The following HCFC2 variants were observed in gnomAD, a reference collection of about 807,000 sequenced individuals.
The protein encoded by HCFC2 is host cell factor C2.
Under a neutral mutation model 89.2 loss-of-function variants are expected in HCFC2, and 18 were observed. The ratio of observed to expected loss-of-function variants is 0.20; its 90% CI spans 0.14 to 0.30. The LOEUF is 0.30. Among genes scored for constraint, HCFC2 ranks in the 10% least tolerant of loss-of-function variants. The pLI is 1.00. For missense variants in HCFC2, 578 were observed against 956.1 expected, an observed-to-expected ratio of 0.60 and a Z score of 5.21; for synonymous variants, 308 against 335.7, an observed-to-expected ratio of 0.92 and a Z score of 0.90.
chr12:104,066,276 T>G lies in HCFC2; in HGVS notation c.273T>G (p.Val91=), dbSNP rs139399421. Residue 91 remains valine (V), a synonymous_variant, in exon 2 of 15, where the codon GTT becomes GTG. Coordinates refer to ENST00000229330, the MANE Select transcript of HCFC2 (RefSeq NM_013320.3). ...GAATATTAGTATTTGGGGGAATGGT[T>G]GAATATGGAAGATACAGCAATGAGT... The part of the protein sequence containing the change: ...GTRILVFGGM[V]EYGRYSNELY... The G allele has an allele frequency of 2.6e-4, 424 of 1,610,258 alleles. 4 individuals are homozygous for G. The African/African-American group carries it at 5.0e-3, about 19-fold the overall frequency.
chr12:104,099,598 C>T (rs1449296521), intron 13 of HCFC2, among the ~76,000 whole-genome samples: 1 of 150,272 alleles, frequency 6.7e-6, no homozygotes, highest in African/African-American at 2.5e-5. Context: ...GGCAACATGG[C>T]AATACCTATC....
chr12:104,096,136 T>C (rs1884169522), intron 11 of HCFC2, among the ~76,000 whole-genome samples: 1 of 152,184 alleles, frequency 6.6e-6, no homozygotes, highest in Non-Finnish European at 1.5e-5. Context: ...ATGAAGTTTA[T>C]GAATTGTTTT....
At chr12:104,099,313 A>G (rs527747316) in intron 13 of HCFC2, among the ~76,000 whole-genome samples, 1 of 152,252 alleles carries the variant, frequency 6.6e-6, no homozygotes, top group East Asian at 1.9e-4. Flanking sequence ...ATCAGGTCCT[A>G]CCTCCAACAC....
At chr12:104,100,900 A>G (rs1193625135) in intron 13 of HCFC2, among the ~76,000 whole-genome samples, 1 of 152,132 alleles carries the variant, frequency 6.6e-6, no homozygotes, top group African/African-American at 2.4e-5. Flanking sequence ...AATAGCCTAA[A>G]ATTTAGAGCT....
intron 7 of HCFC2, among the ~76,000 whole-genome samples, chr12:104,085,268 A>G (rs1310065061): frequency 6.6e-6 from 1 of 152,174 alleles, no homozygotes; most frequent in Non-Finnish European, 1.5e-5. Flanking sequence ...TTAATTTTAA[A>G]ATTAAGATAG....
At chr12:104,081,204 T>C (rs1433175802) in intron 5 of HCFC2, among the ~76,000 whole-genome samples, 2 of 152,212 alleles carry the variant, frequency 1.3e-5, no homozygotes, top group Non-Finnish European at 2.9e-5. Flanking sequence ...AATATAGAGT[T>C]GATGGTTAGA....
intron 9 of HCFC2, chr12:104,090,966 T>C (rs1172334550): frequency 6.6e-6 from 1 of 152,206 alleles, no homozygotes; most frequent in African/African-American, 2.4e-5. Flanking sequence ...GTCTTTTTTC[T>C]TAGACCAATT....
At position 104,082,769 on chromosome 12, in the gene HCFC2, A is replaced by G. The variant is rs767326665; in HGVS notation, c.931A>G (p.Arg311Gly). 3 of 1,613,960 alleles carry G rather than the reference A, an allele frequency of 1.9e-6. No homozygotes were observed. The highest frequency in any genetic ancestry group is 2.2e-5 in the East Asian group (1 of 44,872). The change falls in exon 7 of 15, where the codon AGA (arginine) becomes GGA (glycine). Residue 311 changes from arginine (R) to glycine (G), a missense_variant. Coordinates refer to ENST00000229330, the MANE Select transcript of HCFC2 (RefSeq NM_013320.3). ...TTCTCAGGAAGATAAAAAAAATTCAAGACCAAGACCAAGAGCTGGCCACTG... is the reference window on the plus strand; with the variant it reads ...TTCTCAGGAAGATAAAAAAAATTCAGGACCAAGACCAAGAGCTGGCCACTG... Reference protein sequence around the residue: ...SDSQEDKKNSRPRPRAGHCAV... With the variant: ...SDSQEDKKNSGPRPRAGHCAV...
chr12:104,089,594 G>T (rs774168920), intron 9 of HCFC2, among the ~76,000 whole-genome samples: 1 of 152,154 alleles, frequency 6.6e-6, no homozygotes, highest in Non-Finnish European at 1.5e-5. Context: ...TCTACTTTTA[G>T]ATCAATTGTC....
intron 3 of HCFC2, among the ~76,000 whole-genome samples, chr12:104,073,652 G>A (rs1188347169): frequency 6.6e-6 from 1 of 152,082 alleles, no homozygotes. Context: ...TAATGCATTT[G>A]TGATATACTT....
chr12:104,065,192 C>A (rs1312649293), intron 1 of HCFC2: 1 of 152,660 alleles, frequency 6.6e-6, no homozygotes, highest in Non-Finnish European at 1.5e-5. Flanking sequence ...CTGGCACTCT[C>A]GCCTCAAATA....
chr12:104,103,063 T>G lies in HCFC2; in HGVS notation c.2169T>G (p.Asp723Glu), dbSNP rs1226064830. The G allele has an allele frequency of 6.2e-7, 1 of 1,613,990 alleles. No homozygotes were observed. Among genetic ancestry groups the G allele is most frequent in the African/African-American group, 1.3e-5 (1 of 74,932 alleles). ...YLAIRTAQIQDNPSQLVFMRI... is the reference protein window; with the variant it reads ...YLAIRTAQIQENPSQLVFMRI... ...CTATCCGCACAGCACAGATACAAGA[T>G]AATCCAAGTCAACTTGTGTTCATGA... The change falls in exon 15 of 15, where the codon GAT (aspartate) becomes GAG (glutamate). Residue 723 changes from aspartate (D) to glutamate (E), a missense_variant. Transcript: ENST00000229330.
intron 3 of HCFC2, among the ~76,000 whole-genome samples, chr12:104,069,435 C>G (rs1883251203): frequency 6.6e-6 from 1 of 151,294 alleles, no homozygotes; most frequent in African/African-American, 2.4e-5. Flanking sequence ...ATCTTTTGAC[C>G]TACATTTCCC....
At chr12:104,066,859 C>T (rs1883165424) in intron 2 of HCFC2, among the ~76,000 whole-genome samples, 1 of 152,222 alleles carries the variant, frequency 6.6e-6, no homozygotes, top group South Asian at 2.1e-4. Context: ...GCAATCTCGG[C>T]TCACTGCAAC....
rs1254572588 is a variant in HCFC2 at position 104,079,294 on chromosome 12, G to T, written c.474-151G>T. On this transcript the variant is annotated intron_variant, in intron 3 of 14. Transcript: ENST00000229330. ...AGTGTTTGATAAGTATGTATTGTAT[G>T]AATGAGGTTTGGGGTTTCTGCTCTC... 26 of 624,016 alleles carry T rather than the reference G, an allele frequency of 4.2e-5. No homozygotes were observed. In the Admixed American group the frequency reaches 7.7e-4, roughly 18 times the overall value. The allele number at this position is 624,016 out of a possible 1,614,324, so 38.7% of individuals were successfully genotyped here.
At chr12:104,087,042 G>A (rs1942082434) in intron 8 of HCFC2, 28 bp downstream of exon 8, 1 of 1,610,270 alleles carries the variant, frequency 6.2e-7, no homozygotes, top group African/African-American at 1.3e-5. Flanking sequence ...CTTAAAGTAT[G>A]TGTGCTCACA....
At chr12:104,090,969 G>T (rs527811120) in intron 9 of HCFC2, 1 of 152,192 alleles carries the variant, frequency 6.6e-6, no homozygotes, top group South Asian at 2.1e-4. Context: ...TTTTTTCTTA[G>T]ACCAATTAGT....
intron 7 of HCFC2, 129 bp from the exon 8 acceptor site, chr12:104,086,716 CTT>C: frequency 1.6e-6 from 1 of 617,060 alleles, no homozygotes; most frequent in South Asian, 3.7e-5. Flanking sequence ...TCTGAGTAAA[CTT>C]TCCCTGTCTT....
At chr12:104,102,274 A>T (rs1219704981) in intron 14 of HCFC2, 121 bp downstream of exon 14, 24 of 839,436 alleles carry the variant, frequency 2.9e-5, no homozygotes, top group Non-Finnish European at 4.2e-5. Flanking sequence ...ACCTAAAAGG[A>T]TGGATTTAAA....
Sources: gnomAD v4.1 joint callset for allele counts (sites outside exome capture counted in the v4.1 genomes callset) on GRCh38, gnomAD v4.1.1 for gene constraint, MANE v1.5 for transcripts, NCBI Gene and HGNC (gene_info 2026-07-23, HGNC 2026-07-21) for gene names.